Variants in PHACTR1 observed in about 807,000 individuals in gnomAD.
The protein encoded by PHACTR1 is phosphatase and actin regulator 1.
A neutral mutation model predicts 69.2 loss-of-function variants in PHACTR1; 16 were observed. The ratio of observed to expected loss-of-function variants is 0.23; its 90% CI spans 0.16 to 0.35. The LOEUF (loss-of-function observed/expected upper bound fraction) is 0.35, where lower values mean the gene tolerates loss of function less well. Ranked by LOEUF, PHACTR1 falls within the 10% of genes least tolerant of loss-of-function variation. The pLI is 1.00. For missense variants in PHACTR1, 510 were observed against 734.7 expected (o/e 0.69, Z 3.54); for synonymous variants, 312 against 284.5 (o/e 1.10, Z -0.97).
At chr6:12,760,494 A>G (rs1767903606) in intron 4 of PHACTR1, among the ~76,000 whole-genome samples, 1 of 152,172 alleles carries the variant, frequency 6.6e-6, no homozygotes, top group Non-Finnish European at 1.5e-5. Context: ...ACTTAGAGGA[A>G]GTGTTGTGTG....
chr6:13,021,652 A>G (rs1800990639), intron 4 of PHACTR1, among the ~76,000 whole-genome samples: 1 of 152,210 alleles, frequency 6.6e-6, no homozygotes, highest in Admixed American at 6.5e-5. Flanking sequence ...AATGAATAGT[A>G]TATAAAAGTT....
At chr6:12,744,492 G>A (rs1446351810) in intron 3 of PHACTR1, among the ~76,000 whole-genome samples, 1 of 152,086 alleles carries the variant, frequency 6.6e-6, no homozygotes, top group Admixed American at 6.6e-5. Context: ...CTCCAAAATC[G>A]GCCAGTCAGT....
At chr6:13,008,505 A>T (rs191558786) in intron 4 of PHACTR1, among the ~76,000 whole-genome samples, 32 of 152,310 alleles carry the variant, frequency 2.1e-4, no homozygotes, top group Admixed American at 1.9e-3. Flanking sequence ...ATATAAATGT[A>T]TTATATCAAA....
At chr6:13,139,091 GA>G (rs1822002210) in intron 5 of PHACTR1, among the ~76,000 whole-genome samples, 1 of 147,412 alleles carries the variant, frequency 6.8e-6, no homozygotes, top group Admixed American at 6.9e-5. Flanking sequence ...ATCATATCAA[GA>G]GGGTTAATTT....
intron 4 of PHACTR1, among the ~76,000 whole-genome samples, chr6:13,028,333 C>G (rs534280734): frequency 7.2e-5 from 11 of 152,220 alleles, no homozygotes; most frequent in African/African-American, 2.4e-4. Flanking sequence ...TAGCTTGAAA[C>G]TATAGCATAG....
chr6:12,965,683 A>G (rs775244677), intron 4 of PHACTR1, among the ~76,000 whole-genome samples: 17 of 152,180 alleles, frequency 1.1e-4, no homozygotes, highest in Non-Finnish European at 2.4e-4. Flanking sequence ...GCATGGTTCA[A>G]CAGAAACAAA....
At chr6:12,793,227 G>A (rs868181541) in intron 4 of PHACTR1, among the ~76,000 whole-genome samples, 27 of 152,312 alleles carry the variant, frequency 1.8e-4, no homozygotes, top group Non-Finnish European at 3.4e-4. Flanking sequence ...TCCCTTATGC[G>A]AGAGTTGGCA....
chr6:13,184,167 C>T (rs1299715081), intron 7 of PHACTR1, among the ~76,000 whole-genome samples: 2 of 152,194 alleles, frequency 1.3e-5, no homozygotes, highest in Non-Finnish European at 2.9e-5. Context: ...TGCTCAGCGC[C>T]GGGCACTCCA....
chr6:12,974,079 G>A (rs892865541), intron 4 of PHACTR1, among the ~76,000 whole-genome samples: 2 of 151,828 alleles, frequency 1.3e-5, no homozygotes, highest in Admixed American at 6.6e-5. Context: ...GCGCCACCAC[G>A]CCCGGCTAAT....
At chr6:12,843,984 G>A (rs1298814982) in intron 4 of PHACTR1, among the ~76,000 whole-genome samples, 2 of 152,172 alleles carry the variant, frequency 1.3e-5, no homozygotes, top group Admixed American at 6.5e-5. Flanking sequence ...CACTTGCTAC[G>A]TGACCTTGAG....
intron 6 of PHACTR1, among the ~76,000 whole-genome samples, chr6:13,180,390 G>A (rs538642925): frequency 2.6e-5 from 4 of 152,280 alleles, no homozygotes; most frequent in African/African-American, 7.2e-5. Context: ...TCAAGAGTTA[G>A]TATGTCCCAA....
chr6:13,101,890 A>G (rs898463561), intron 5 of PHACTR1, among the ~76,000 whole-genome samples: 1 of 152,222 alleles, frequency 6.6e-6, no homozygotes, highest in Non-Finnish European at 1.5e-5. Flanking sequence ...CCACCTATTC[A>G]TGGAGGGAGC....
intron 8 of PHACTR1, among the ~76,000 whole-genome samples, chr6:13,214,907 A>T (rs1343669025): frequency 6.6e-6 from 1 of 152,212 alleles, no homozygotes; most frequent in East Asian, 1.9e-4. Context: ...TTTAAGTACC[A>T]TACATTTAGT....
intron 4 of PHACTR1, among the ~76,000 whole-genome samples, chr6:12,929,332 T>C (rs1788624608): frequency 6.6e-6 from 1 of 152,116 alleles, no homozygotes; most frequent in Admixed American, 6.6e-5. Context: ...CGAGAGCGTT[T>C]ATCTAGTAAG....
chr6:12,980,204 A>G (rs1795346711), intron 4 of PHACTR1, among the ~76,000 whole-genome samples: 1 of 152,212 alleles, frequency 6.6e-6, no homozygotes, highest in African/African-American at 2.4e-5. Context: ...CAGAAAAAGA[A>G]GCATGGAGTA....
At chr6:12,727,145 C>T (rs1762896473) in intron 3 of PHACTR1, among the ~76,000 whole-genome samples, 1 of 152,176 alleles carries the variant, frequency 6.6e-6, no homozygotes, top group Non-Finnish European at 1.5e-5. Flanking sequence ...CTCCTAACTG[C>T]CCACTCATTC....
chr6:13,223,925 A>T (rs1769112706), intron 8 of PHACTR1, among the ~76,000 whole-genome samples: 1 of 152,134 alleles, frequency 6.6e-6, no homozygotes, highest in Non-Finnish European at 1.5e-5. Context: ...ATTGATAAAG[A>T]TGCTAACCAA....
intron 4 of PHACTR1, among the ~76,000 whole-genome samples, chr6:12,845,441 C>CCT (rs1454098879): frequency 2.0e-5 from 2 of 100,426 alleles, no homozygotes; most frequent in East Asian, 5.1e-4. Context: ...CCCCCCCCCC[C>CCT]CCGCCCTCCG....
intron 4 of PHACTR1, among the ~76,000 whole-genome samples, chr6:12,999,620 T>C (rs991988163): frequency 1.3e-5 from 2 of 152,022 alleles, no homozygotes; most frequent in Non-Finnish European, 2.9e-5. Flanking sequence ...AACAAAAACA[T>C]AGTGTTGCAT....
Sources: allele counts gnomAD v4.1 joint callset (sites outside exome capture counted in the v4.1 genomes callset), GRCh38; gene constraint gnomAD v4.1.1; transcripts MANE v1.5; gene names NCBI Gene and HGNC (gene_info 2026-07-23, HGNC 2026-07-21).